The following CCSER1 variants were observed in gnomAD, a reference collection of about 807,000 sequenced individuals.
CCSER1 encodes the protein serine-rich coiled-coil domain-containing protein 1.
Under a neutral mutation model 82.0 loss-of-function variants are expected in CCSER1, and 41 were observed. The ratio of observed to expected loss-of-function variants is 0.50; its 90% CI spans 0.39 to 0.65. The LOEUF is 0.65. Among genes scored for constraint, CCSER1 ranks in the 30% least tolerant of loss-of-function variants. CCSER1 has a pLI of 0.00. For missense variants in CCSER1, 1,119 were observed against 1,064.2 expected (o/e 1.05, Z -0.72); for synonymous variants, 414 against 383.9 (o/e 1.08, Z -0.92).
At chr4:91,485,174 A>G (rs1256350936) in intron 10 of CCSER1, among the ~76,000 whole-genome samples, 1 of 152,120 alleles carries the variant, frequency 6.6e-6, no homozygotes, top group South Asian at 2.1e-4. Flanking sequence ...AAAAATGAAT[A>G]GGAAATGACA....
chr4:91,110,309 C>G (rs2148870369), intron 10 of CCSER1, among the ~76,000 whole-genome samples: 1 of 151,090 alleles, frequency 6.6e-6, no homozygotes, highest in South Asian at 2.1e-4. Context: ...AAAAAATAAA[C>G]TTAGTGCTTG....
chr4:91,389,836 G>A (rs924718584), intron 10 of CCSER1, among the ~76,000 whole-genome samples: 2 of 151,904 alleles, frequency 1.3e-5, no homozygotes, highest in Non-Finnish European at 2.9e-5. Context: ...TTTTTGGGGT[G>A]CTAATACAAA....
intron 10 of CCSER1, among the ~76,000 whole-genome samples, chr4:91,383,573 C>T (rs1019666172): frequency 6.6e-6 from 1 of 152,004 alleles, no homozygotes; most frequent in African/African-American, 2.4e-5. Context: ...ATAGTTCAAT[C>T]ATATTTTTTA....
intron 10 of CCSER1, among the ~76,000 whole-genome samples, chr4:91,483,677 C>A (rs890458811): frequency 1.3e-5 from 2 of 152,018 alleles, no homozygotes; most frequent in Non-Finnish European, 2.9e-5. Context: ...CTTAGGTGAC[C>A]CACCCGCCTC....
chr4:90,529,534 A>G (rs911248940), intron 5 of CCSER1, among the ~76,000 whole-genome samples: 1 of 152,114 alleles, frequency 6.6e-6, no homozygotes, highest in African/African-American at 2.4e-5. Flanking sequence ...CTGGCTTATA[A>G]TCACTATCTT....
intron 10 of CCSER1, among the ~76,000 whole-genome samples, chr4:91,227,248 T>C (rs533039962): frequency 6.6e-6 from 1 of 151,810 alleles, no homozygotes; most frequent in African/African-American, 2.4e-5. Context: ...ATAAAGGAGT[T>C]GAAAAATAGC....
At chr4:90,341,680 A>G (rs553280218) in intron 3 of CCSER1, among the ~76,000 whole-genome samples, 45 of 27,948 alleles carry the variant, frequency 1.6e-3, no homozygotes, top group African/African-American at 0.014. Flanking sequence ...TGTCAACCTG[A>G]CTATTAGGCT....
intron 10 of CCSER1, among the ~76,000 whole-genome samples, chr4:91,154,704 T>G (rs1730626891): frequency 6.6e-6 from 1 of 152,020 alleles, no homozygotes; most frequent in African/African-American, 2.4e-5. Flanking sequence ...TAGAAAGAAG[T>G]AAACCAGTAA....
At chr4:91,486,723 G>T (rs989267355) in intron 10 of CCSER1, among the ~76,000 whole-genome samples, 21 of 152,090 alleles carry the variant, frequency 1.4e-4, no homozygotes, top group African/African-American at 5.1e-4. Flanking sequence ...GTCGTGGATA[G>T]ATTTTATGCA....
intron 3 of CCSER1, among the ~76,000 whole-genome samples, chr4:90,379,009 A>G (rs1748793743): frequency 6.6e-6 from 1 of 152,220 alleles, no homozygotes; most frequent in Admixed American, 6.5e-5. Flanking sequence ...GAACTTAAAG[A>G]CAGGATTAGA....
At position 91,052,676 on chromosome 4, in the gene CCSER1, G is replaced by C. The variant is rs144804230; in HGVS notation, c.2173-33274G>C. Reference sequence around the variant, plus strand: ...CATAAACCTGTATCTCTATCTGTCTGTCTGTCTATGGATAGAGATAGAGAT... The same window carrying C: ...CATAAACCTGTATCTCTATCTGTCTCTCTGTCTATGGATAGAGATAGAGAT... On this transcript the variant is annotated intron_variant, in intron 9 of 10. Transcript: ENST00000509176. Among the ~76,000 whole-genome samples, 1,193 of 152,234 alleles carry C rather than the reference G, an allele frequency of 7.8e-3. 54 individuals carry two copies. Among genetic ancestry groups the C allele is most frequent in the Admixed American group, 0.057 (866 of 15,276 alleles).
At chr4:90,932,158 G>T (rs1729903279) in intron 9 of CCSER1, among the ~76,000 whole-genome samples, 1 of 152,050 alleles carries the variant, frequency 6.6e-6, no homozygotes, top group East Asian at 1.9e-4. Flanking sequence ...TGTTAAGATG[G>T]TAATTAGAAT....
chr4:91,191,501 G>C (rs1453868687), intron 10 of CCSER1, among the ~76,000 whole-genome samples: 2 of 152,068 alleles, frequency 1.3e-5, no homozygotes, highest in East Asian at 3.9e-4. Context: ...CTATGTATTA[G>C]AGCATCTCCC....
intron 10 of CCSER1, among the ~76,000 whole-genome samples, chr4:91,143,687 G>T (rs773405219): frequency 1.3e-5 from 2 of 151,796 alleles, no homozygotes; most frequent in Non-Finnish European, 2.9e-5. Flanking sequence ...ATCATGAAGT[G>T]GTGTTGTATT....
In CCSER1 at chr4:91,605,070, G is replaced by C. The variant is rs1764914586; in HGVS notation, c.*6013G>C. Reference sequence around the variant, plus strand: ...CTCTAAAACTCTAAAACTTTAGTGAGAAAGATAATAAATAGAAAATTACCC... The same window carrying C: ...CTCTAAAACTCTAAAACTTTAGTGACAAAGATAATAAATAGAAAATTACCC... On this transcript the variant is annotated 3_prime_UTR_variant, in exon 11 of 11. Coordinates refer to ENST00000509176, the MANE Select transcript of CCSER1 (RefSeq NM_001145065.2). 6.6e-6 allele frequency: 1 copy of C among 150,762 alleles called. No individual in the cohort carries two copies. The allele number at this position is 150,762 out of a possible 1,614,324, so 9.3% of individuals were successfully genotyped here. A position where few individuals can be genotyped will look rare whatever the true frequency, so the allele number is the denominator to read the frequency against.
chr4:90,407,927 C>T (rs1753988633), intron 4 of CCSER1, among the ~76,000 whole-genome samples: 1 of 152,170 alleles, frequency 6.6e-6, no homozygotes, highest in Non-Finnish European at 1.5e-5. Flanking sequence ...AATCGGGTCA[C>T]TCCTACCCTA....
intron 6 of CCSER1, among the ~76,000 whole-genome samples, chr4:90,639,981 GAA>G (rs1016180613): frequency 4.6e-5 from 7 of 152,206 alleles, no homozygotes; most frequent in African/African-American, 1.7e-4. Flanking sequence ...AAAATCAAGA[GAA>G]AGAGTGTCCA....
At chr4:91,278,124 G>A (rs1487502818) in intron 10 of CCSER1, among the ~76,000 whole-genome samples, 1 of 152,072 alleles carries the variant, frequency 6.6e-6, no homozygotes, top group Non-Finnish European at 1.5e-5. Flanking sequence ...TGTTCCATAT[G>A]CTAAGGAGAA....
At chr4:90,148,493 G>T (rs1180501849) in intron 1 of CCSER1, among the ~76,000 whole-genome samples, 1 of 152,108 alleles carries the variant, frequency 6.6e-6, no homozygotes, top group African/African-American at 2.4e-5. Flanking sequence ...CTAGGATATG[G>T]TAGTACAAGG....
Sources: allele counts gnomAD v4.1 joint callset (sites outside exome capture counted in the v4.1 genomes callset), GRCh38; gene constraint gnomAD v4.1.1; transcripts MANE v1.5; gene names NCBI Gene and HGNC (gene_info 2026-07-23, HGNC 2026-07-21).